DGKI: variants seen among roughly 807,000 people sequenced by gnomAD.
DGKI encodes DAG kinase iota.
DGKI carries 55 observed loss-of-function variants against 147.5 expected under a neutral mutation model. That is an observed-to-expected ratio of 0.37 (90% confidence interval 0.30 to 0.47). The LOEUF (loss-of-function observed/expected upper bound fraction) is 0.47, where lower values mean the gene tolerates loss of function less well. Ranked by LOEUF, DGKI falls within the 20% of genes least tolerant of loss-of-function variation. The probability of loss-of-function intolerance (pLI) is 1.00; values close to 1 mark genes in which losing one functional copy is unlikely to be tolerated. For missense variants in DGKI, 1,007 were observed against 1,323.8 expected (o/e 0.76, Z 3.71); for synonymous variants, 469 against 477.1 (o/e 0.98, Z 0.22).
chr7:137,444,618 C>T lies in DGKI; in HGVS notation c.2736-516G>A, dbSNP rs540435227. On this transcript the variant is annotated intron_variant, in intron 27 of 32. Transcript: ENST00000614521. Reference sequence around the variant, plus strand: ...TGTTTGAGTGAGCTGACCCTCTATTCGCTGCATTATGTCTCAGAACCCGGG... The same window carrying T: ...TGTTTGAGTGAGCTGACCCTCTATTTGCTGCATTATGTCTCAGAACCCGGG... 5.9e-5 allele frequency among the ~76,000 whole-genome samples: 9 copies of T among 152,288 alleles called. No homozygotes were observed. The South Asian group carries it at 6.2e-4, about 11-fold the overall frequency.
intron 5 of DGKI, among the ~76,000 whole-genome samples, chr7:137,652,593 ATTC>A (rs1401982009): frequency 2.0e-5 from 3 of 152,162 alleles, no homozygotes; most frequent in Admixed American, 1.3e-4. Flanking sequence ...CAGCCCTATC[ATTC>A]TTCTCCTGCT....
At chr7:137,711,747 G>A (rs967736498) in intron 1 of DGKI, among the ~76,000 whole-genome samples, 4 of 139,588 alleles carry the variant, frequency 2.9e-5, no homozygotes, top group Admixed American at 7.7e-5. Flanking sequence ...TGGCTGGAGT[G>A]CAGTGGTGCA....
At chr7:137,460,180 A>G (rs1475258588) in intron 27 of DGKI, among the ~76,000 whole-genome samples, 1 of 152,160 alleles carries the variant, frequency 6.6e-6, no homozygotes, top group Non-Finnish European at 1.5e-5. Flanking sequence ...TTATTACAAT[A>G]AGTGTTCAGG....
chr7:137,417,727 G>A (rs1185701098), intron 28 of DGKI, among the ~76,000 whole-genome samples: 1 of 152,200 alleles, frequency 6.6e-6, no homozygotes, highest in Non-Finnish European at 1.5e-5. Context: ...AAGTCACGAA[G>A]GCTCCACCCT....
chr7:137,575,853 CTT>C (rs143944887), intron 17 of DGKI, among the ~76,000 whole-genome samples: 4,530 of 152,198 alleles, frequency 0.03, 202 homozygotes, highest in East Asian at 0.11. Flanking sequence ...GCCTTTGTCT[CTT>C]GTTTCAACTG....
chr7:137,765,929 G>A, intron 1 of DGKI, among the ~76,000 whole-genome samples: 1 of 152,124 alleles, frequency 6.6e-6, no homozygotes, highest in Non-Finnish European at 1.5e-5. Flanking sequence ...CCTTACACTG[G>A]TATCAGGCAT....
At chr7:137,834,145 T>A (rs1463271194) in intron 1 of DGKI, among the ~76,000 whole-genome samples, 1 of 152,238 alleles carries the variant, frequency 6.6e-6, no homozygotes, top group Non-Finnish European at 1.5e-5. Context: ...AAGTAGGACC[T>A]CATATTAATG....
chr7:137,533,724 T>C (rs977605339), intron 20 of DGKI, among the ~76,000 whole-genome samples: 1 of 151,962 alleles, frequency 6.6e-6, no homozygotes, highest in Non-Finnish European at 1.5e-5. Flanking sequence ...TAGGTCTTTA[T>C]AATATATTAT....
At chr7:137,768,504 G>A (rs1244492075) in intron 1 of DGKI, among the ~76,000 whole-genome samples, 1 of 152,146 alleles carries the variant, frequency 6.6e-6, no homozygotes, top group Non-Finnish European at 1.5e-5. Context: ...AGCAGCTTCT[G>A]CAAAAGCTAA....
At chr7:137,607,633 G>A (rs926496094) in intron 10 of DGKI, among the ~76,000 whole-genome samples, 12 of 152,260 alleles carry the variant, frequency 7.9e-5, no homozygotes, top group Admixed American at 2.0e-4. Context: ...GTGCTCAGGT[G>A]GCCAAAATCA....
At chr7:137,420,976 G>A (rs751389489) in intron 28 of DGKI, among the ~76,000 whole-genome samples, 2 of 151,992 alleles carry the variant, frequency 1.3e-5, no homozygotes, top group Non-Finnish European at 2.9e-5. Flanking sequence ...CCGAGATCAC[G>A]CCACTGCACT....
intron 1 of DGKI, among the ~76,000 whole-genome samples, chr7:137,741,002 C>A (rs1795157573): frequency 6.6e-6 from 1 of 152,042 alleles, no homozygotes; most frequent in Non-Finnish European, 1.5e-5. Flanking sequence ...AAAAGGGTGG[C>A]TAAGTCTTAA....
At position 137,469,541 on chromosome 7, in the gene DGKI, A is replaced by G. The variant is rs1331854282; in HGVS notation, c.2443+9T>C. ...CTCCCACGATACCCGCAAGAAAGGC[A>G]GAACTCACCATCTAGGAAGCACCAC... On this transcript the variant is annotated intron_variant, in intron 24 of 32. Coordinates refer to ENST00000614521, the MANE Select transcript of DGKI (RefSeq NM_001321708.2). The G allele has an allele frequency of 2.5e-6, 4 of 1,613,862 alleles. No homozygotes were observed. In the South Asian group the frequency reaches 4.4e-5, roughly 18 times the overall value.
chr7:137,753,388 CT>C (rs1376165893), intron 1 of DGKI, among the ~76,000 whole-genome samples: 1 of 152,164 alleles, frequency 6.6e-6, no homozygotes, highest in African/African-American at 2.4e-5. Flanking sequence ...CTGCCAGCAA[CT>C]GCTGGAGTGC....
intron 28 of DGKI, among the ~76,000 whole-genome samples, chr7:137,422,893 C>T (rs1812636253): frequency 6.6e-6 from 1 of 152,052 alleles, no homozygotes; most frequent in South Asian, 2.1e-4. Flanking sequence ...CGTGAGCCAC[C>T]GCGCCCACCC....
At position 137,706,954 on chromosome 7, in the gene DGKI, T is replaced by C. The variant is rs573113441; in HGVS notation, c.402-16952A>G. ...TCCAGAGGGAACTATTTCAATAGTTTAATGTGGACTCTCAACTTCACTGAT... is the reference window on the plus strand; with the variant it reads ...TCCAGAGGGAACTATTTCAATAGTTCAATGTGGACTCTCAACTTCACTGAT... On this transcript the variant is annotated intron_variant, in intron 1 of 32. Coordinates refer to ENST00000614521, the MANE Select transcript of DGKI (RefSeq NM_001321708.2). Among the ~76,000 whole-genome samples the C allele has an allele frequency of 8.1e-4, 123 of 152,324 alleles. 1 individual carries two copies. Among genetic ancestry groups the C allele is most frequent in the Non-Finnish European group, 1.4e-3 (96 of 68,028 alleles).
rs114368340 is a variant in DGKI, at chr7:137,537,497, T to C, written c.2147+14872A>G. 1.4e-3 allele frequency among the ~76,000 whole-genome samples: 211 copies of C among 152,216 alleles called. 2 individuals are homozygous for C. The highest frequency in any genetic ancestry group is 4.8e-3 in the African/African-American group (201 of 41,538). On this transcript the variant is annotated intron_variant, in intron 20 of 32. Transcript: ENST00000614521. ...TATCGATAATCCTACAATTCAGAGA[T>C]AATCACCTAGAAATACAATAATAAT...
At chr7:137,740,859 T>G (rs1000790606) in intron 1 of DGKI, among the ~76,000 whole-genome samples, 1 of 152,124 alleles carries the variant, frequency 6.6e-6, no homozygotes, top group Non-Finnish European at 1.5e-5. Context: ...CACACCCTAT[T>G]TTTAAGGTAA....
chr7:137,588,781 C>T lies in DGKI; in HGVS notation c.1312-1571G>A, dbSNP rs144680682. Among the ~76,000 whole-genome samples, 433 of 152,214 alleles carry T rather than the reference C, an allele frequency of 2.8e-3. 2 individuals carry two copies. The highest frequency in any genetic ancestry group is 9.8e-3 in the African/African-American group (407 of 41,536). On this transcript the variant is annotated intron_variant, in intron 12 of 32. Transcript: ENST00000614521. ...GTGAGCCACCGTGCCAGGCCCATACCGATGCCTTTCTATGTGCCATGCCTG... is the reference window on the plus strand; with the variant it reads ...GTGAGCCACCGTGCCAGGCCCATACTGATGCCTTTCTATGTGCCATGCCTG...
Sources: gnomAD v4.1 joint callset for allele counts (sites outside exome capture counted in the v4.1 genomes callset) on GRCh38, gnomAD v4.1.1 for gene constraint, MANE v1.5 for transcripts, NCBI Gene and HGNC (gene_info 2026-07-23, HGNC 2026-07-21) for gene names.